The following CFAP20DC variants were observed in gnomAD, a reference collection of about 807,000 sequenced individuals.
CFAP20DC encodes the protein CFAP20 domain containing.
Under a neutral mutation model 101.7 loss-of-function variants are expected in CFAP20DC, and 84 were observed. That is an observed-to-expected ratio of 0.83 (90% CI 0.69 to 0.99). CFAP20DC has a LOEUF of 0.99. Among genes scored for constraint, CFAP20DC ranks in the 50% least tolerant of loss-of-function variants. CFAP20DC has a pLI of 0.00. For missense variants in CFAP20DC, 1,007 were observed against 970.3 expected (o/e 1.04, Z -0.50); for synonymous variants, 359 against 351.2 (o/e 1.02, Z -0.25).
At chr3:58,808,717 T>C (rs1292010866) in intron 14 of CFAP20DC, among the ~76,000 whole-genome samples, 5 of 152,146 alleles carry the variant, frequency 3.3e-5, no homozygotes, top group Admixed American at 2.0e-4. Context: ...CATAACTATA[T>C]TAACCTTAAA....
intron 14 of CFAP20DC, among the ~76,000 whole-genome samples, chr3:58,826,089 A>T (rs544187097): frequency 6.6e-6 from 1 of 152,296 alleles, no homozygotes; most frequent in South Asian, 2.1e-4. Context: ...GTCAGGTAAA[A>T]ATGCTAAACT....
intron 13 of CFAP20DC, among the ~76,000 whole-genome samples, chr3:58,844,744 T>C (rs2077467727): frequency 7.5e-6 from 1 of 133,064 alleles, no homozygotes; most frequent in South Asian, 2.4e-4. Context: ...TAGTCCAAAA[T>C]TGACCACATA....
chr3:59,029,286 A>G (rs2093946758), intron 4 of CFAP20DC, among the ~76,000 whole-genome samples: 1 of 152,176 alleles, frequency 6.6e-6, no homozygotes, highest in Non-Finnish European at 1.5e-5. Context: ...TCCACCCAAA[A>G]AGACACATAA....
At chr3:58,761,921 T>C (rs926164819) in intron 15 of CFAP20DC, among the ~76,000 whole-genome samples, 31 of 152,256 alleles carry the variant, frequency 2.0e-4, no homozygotes, top group Admixed American at 6.5e-4. Context: ...ATAATTTCTG[T>C]TCTTTTACAT....
chr3:58,867,360 G>A (rs1216895422), intron 10 of CFAP20DC, among the ~76,000 whole-genome samples: 1 of 152,236 alleles, frequency 6.6e-6, no homozygotes, highest in East Asian at 1.9e-4. Context: ...GTTGCAAAGA[G>A]TTTAAATTTT....
At chr3:58,993,550 C>T (rs1474312380) in intron 4 of CFAP20DC, among the ~76,000 whole-genome samples, 1 of 152,046 alleles carries the variant, frequency 6.6e-6, no homozygotes, top group African/African-American at 2.4e-5. Context: ...AGCTCATCAC[C>T]CATTAGCTAT....
chr3:59,004,698 G>T (rs1227615305), intron 4 of CFAP20DC, among the ~76,000 whole-genome samples: 1 of 152,148 alleles, frequency 6.6e-6, no homozygotes, highest in East Asian at 1.9e-4. Flanking sequence ...TTTCTACTTG[G>T]TAACAGTCAG....
chr3:58,938,546 A>G (rs1361963719), intron 4 of CFAP20DC, among the ~76,000 whole-genome samples: 2 of 152,122 alleles, frequency 1.3e-5, no homozygotes, highest in African/African-American at 4.8e-5. Flanking sequence ...TTTCCCCGTT[A>G]TTAGGGAAAA....
intron 4 of CFAP20DC, among the ~76,000 whole-genome samples, chr3:59,022,356 A>G (rs2093818037): frequency 6.6e-6 from 1 of 152,090 alleles, no homozygotes; most frequent in Non-Finnish European, 1.5e-5. Flanking sequence ...TTCCTAAAAA[A>G]AAACAGGGAA....
chr3:58,792,659 G>A (rs1033485178), intron 15 of CFAP20DC, among the ~76,000 whole-genome samples: 3 of 151,304 alleles, frequency 2.0e-5, no homozygotes, highest in Admixed American at 6.6e-5. Flanking sequence ...GAGACTCTCA[G>A]AGTACTCAAT....
intron 5 of CFAP20DC, among the ~76,000 whole-genome samples, chr3:58,920,955 A>G (rs993187034): frequency 2.0e-5 from 3 of 152,154 alleles, no homozygotes; most frequent in African/African-American, 7.2e-5. Context: ...TCACTTTCTA[A>G]AAATAGTTAT....
intron 6 of CFAP20DC, among the ~76,000 whole-genome samples, chr3:58,911,583 C>T (rs2084160777): frequency 6.6e-6 from 1 of 151,862 alleles, no homozygotes; most frequent in Admixed American, 6.6e-5. Context: ...CTGCATGTTT[C>T]TATATGTATA....
Position 59,026,958 on chromosome 3 carries a change from C to T in CFAP20DC, c.278+12599G>A, listed in dbSNP as rs529740910. 7.2e-5 allele frequency among the ~76,000 whole-genome samples: 11 copies of T among 152,136 alleles called. No homozygotes were observed. The East Asian group carries it at 1.9e-3, about 27-fold the overall frequency. On this transcript the variant is annotated intron_variant, in intron 4 of 16. Transcript: ENST00000482387. The stretch of plus-strand genomic sequence containing the variant: ...TTGAGGTCTACGTGGACCTAAACTC[C>T]GTAAAATTCTTAGAAAAAGACCAAT...
intron 14 of CFAP20DC, among the ~76,000 whole-genome samples, chr3:58,813,536 T>TGAG (rs1268494042): frequency 6.6e-6 from 1 of 151,956 alleles, no homozygotes; most frequent in Admixed American, 6.6e-5. Flanking sequence ...GGCCCCTGAC[T>TGAG]GAGGAGAACA....
chr3:58,887,936 A>G (rs72881661), intron 6 of CFAP20DC, among the ~76,000 whole-genome samples: 6,894 of 152,312 alleles, frequency 0.045, 515 homozygotes, highest in African/African-American at 0.16. Flanking sequence ...TCATGGTGGA[A>G]TACTTGGAAA....
At chr3:58,972,165 A>G (rs2091988086) in intron 4 of CFAP20DC, among the ~76,000 whole-genome samples, 1 of 152,192 alleles carries the variant, frequency 6.6e-6, no homozygotes, top group African/African-American at 2.4e-5. Flanking sequence ...ATTACACAAC[A>G]TATTATAGGT....
chr3:59,003,744 A>G (rs531766556), intron 4 of CFAP20DC, among the ~76,000 whole-genome samples: 1 of 152,374 alleles, frequency 6.6e-6, no homozygotes, highest in East Asian at 1.9e-4. Context: ...ACTTTGCCAC[A>G]TTATAGCATT....
At chr3:58,761,217 G>C (rs1239515101) in intron 15 of CFAP20DC, among the ~76,000 whole-genome samples, 1 of 152,160 alleles carries the variant, frequency 6.6e-6, no homozygotes, top group Non-Finnish European at 1.5e-5. Context: ...TTCAGAGCCT[G>C]TCATTGGTCT....
intron 12 of CFAP20DC, among the ~76,000 whole-genome samples, chr3:58,852,089 T>G (rs2078293638): frequency 6.6e-6 from 1 of 152,088 alleles, no homozygotes. Flanking sequence ...ACTGGTCCAC[T>G]TTTGCTTTGA....
Sources: allele counts gnomAD v4.1 joint callset (sites outside exome capture counted in the v4.1 genomes callset), GRCh38; gene constraint gnomAD v4.1.1; transcripts MANE v1.5; gene names NCBI Gene and HGNC (gene_info 2026-07-23, HGNC 2026-07-21).